Variants in TSHZ2 observed in about 807,000 individuals in gnomAD.
TSHZ2 encodes teashirt homolog 2.
A neutral mutation model predicts 74.4 loss-of-function variants in TSHZ2; 21 were observed. The observed-to-expected ratio is 0.28, with a 90% confidence interval of 0.20 to 0.41. TSHZ2 has a LOEUF of 0.41. Ranked by LOEUF, TSHZ2 falls within the 10% of genes least tolerant of loss-of-function variation. The pLI, the probability that TSHZ2 is intolerant of heterozygous loss-of-function variation, is 1.00. For missense variants in TSHZ2, 1,244 were observed against 1,293.5 expected, an observed-to-expected ratio of 0.96 and a Z score of 0.59; for synonymous variants, 540 against 515.3, an observed-to-expected ratio of 1.05 and a Z score of -0.65.
intron 1 of TSHZ2, among the ~76,000 whole-genome samples, chr20:53,153,932 G>A (rs551984458): frequency 6.6e-6 from 1 of 152,292 alleles, no homozygotes; most frequent in South Asian, 2.1e-4. Flanking sequence ...ACCTAGGCTT[G>A]TTCCCATGGT....
intron 1 of TSHZ2, among the ~76,000 whole-genome samples, chr20:53,167,117 G>A (rs919468551): frequency 1.3e-5 from 2 of 152,144 alleles, no homozygotes; most frequent in African/African-American, 4.8e-5. Context: ...AGAATGAGTT[G>A]GGTTTGTTCT....
chr20:53,272,982 T>C lies in TSHZ2; in HGVS notation c.*8+16411T>C, dbSNP rs561543356. 2.6e-5 allele frequency among the ~76,000 whole-genome samples: 4 copies of C among 152,230 alleles called. No homozygotes were observed. The East Asian group carries it at 5.8e-4, about 22-fold the overall frequency. ...CTGTGACAGGGCCACCTACTTTAAA[T>C]AGAGGAGATTGAAAAGACAGGAGTC... On this transcript the variant is annotated intron_variant, in intron 2 of 2. Coordinates refer to ENST00000371497, the MANE Select transcript of TSHZ2 (RefSeq NM_173485.6).
intron 1 of TSHZ2, among the ~76,000 whole-genome samples, chr20:53,061,531 T>G (rs1984823408): frequency 6.6e-6 from 1 of 152,350 alleles, no homozygotes; most frequent in Middle Eastern, 3.4e-3. Context: ...GGCAGCAGGT[T>G]ATGAAGATGC....
At chr20:53,345,515 A>G (rs1161737738) in intron 2 of TSHZ2, among the ~76,000 whole-genome samples, 1 of 152,140 alleles carries the variant, frequency 6.6e-6, no homozygotes, top group South Asian at 2.1e-4. Context: ...TCCTACTATC[A>G]TAAGCATCTA....
chr20:53,083,772 C>T (rs1361433174), intron 1 of TSHZ2, among the ~76,000 whole-genome samples: 1 of 152,148 alleles, frequency 6.6e-6, no homozygotes, highest in African/African-American at 2.4e-5. Flanking sequence ...AATTCTGTTT[C>T]TGTTTTTACT....
intron 1 of TSHZ2, among the ~76,000 whole-genome samples, chr20:53,152,020 A>C (rs915566412): frequency 6.6e-6 from 1 of 151,782 alleles, no homozygotes; most frequent in Non-Finnish European, 1.5e-5. Flanking sequence ...AGGTTGCTGT[A>C]AAATGGGAAG....
chr20:53,314,152 G>A (rs1013871503), intron 2 of TSHZ2, among the ~76,000 whole-genome samples: 1 of 152,000 alleles, frequency 6.6e-6, no homozygotes, highest in African/African-American at 2.4e-5. Context: ...GTCAGATGTG[G>A]TGATGGGTGC....
intron 1 of TSHZ2, among the ~76,000 whole-genome samples, chr20:53,229,589 G>T (rs1487419925): frequency 6.6e-6 from 1 of 152,174 alleles, no homozygotes; most frequent in African/African-American, 2.4e-5. Flanking sequence ...ACACACGGTA[G>T]GGGCTCAGCT....
chr20:53,366,768 C>G (rs1981277316), intron 2 of TSHZ2, among the ~76,000 whole-genome samples: 1 of 152,222 alleles, frequency 6.6e-6, no homozygotes, highest in African/African-American at 2.4e-5. Context: ...CTAATGTTTG[C>G]TCCTGCACAT....
At chr20:53,185,676 G>T in intron 1 of TSHZ2, 1 of 1,535,854 alleles carries the variant, frequency 6.5e-7, no homozygotes, top group South Asian at 1.2e-5. Flanking sequence ...CCATTATACA[G>T]GTACAACAGT....
chr20:53,301,689 C>T (rs1030174437), intron 2 of TSHZ2, among the ~76,000 whole-genome samples: 2 of 152,220 alleles, frequency 1.3e-5, no homozygotes, highest in Non-Finnish European at 2.9e-5. Context: ...TAGATACCCT[C>T]TTCTCCTTTT....
At chr20:53,401,125 A>T (rs1047508384) in intron 2 of TSHZ2, 1 of 152,182 alleles carries the variant, frequency 6.6e-6, no homozygotes, top group Admixed American at 6.6e-5. Context: ...TGATCGATGC[A>T]TGCTTACCTC....
chr20:53,294,083 G>A (rs2145465199), intron 2 of TSHZ2, among the ~76,000 whole-genome samples: 1 of 152,278 alleles, frequency 6.6e-6, no homozygotes, highest in Non-Finnish European at 1.5e-5. Context: ...TTTCTGTGGT[G>A]TAAATACTTC....
At chr20:53,161,303 G>A (rs1246986133) in intron 1 of TSHZ2, among the ~76,000 whole-genome samples, 1 of 152,090 alleles carries the variant, frequency 6.6e-6, no homozygotes, top group Non-Finnish European at 1.5e-5. Flanking sequence ...GTGCCACAGG[G>A]TTGGAGGAAA....
intron 1 of TSHZ2, among the ~76,000 whole-genome samples, chr20:53,100,038 G>A (rs1234215144): frequency 6.6e-6 from 1 of 152,202 alleles, no homozygotes; most frequent in Non-Finnish European, 1.5e-5. Context: ...GGGCTGGGCT[G>A]AGGCCACTGC....
chr20:53,304,701 G>A (rs557315340), intron 2 of TSHZ2, among the ~76,000 whole-genome samples: 1 of 152,228 alleles, frequency 6.6e-6, no homozygotes, highest in Admixed American at 6.5e-5. Flanking sequence ...GCGCAATCTT[G>A]GCTCACTGCA....
chr20:53,098,965 A>G (rs1337970117), intron 1 of TSHZ2, among the ~76,000 whole-genome samples: 2 of 152,162 alleles, frequency 1.3e-5, no homozygotes, highest in Non-Finnish European at 2.9e-5. Flanking sequence ...GCATATTTTC[A>G]TATGGTTAAG....
At chr20:53,280,699 T>G (rs946033638) in intron 2 of TSHZ2, among the ~76,000 whole-genome samples, 1 of 147,322 alleles carries the variant, frequency 6.8e-6, no homozygotes, top group African/African-American at 2.6e-5. Context: ...GGGGGTTTTT[T>G]TGTGTGTTTT....
chr20:53,346,491 G>A (rs923791935), intron 2 of TSHZ2, among the ~76,000 whole-genome samples: 1 of 152,140 alleles, frequency 6.6e-6, no homozygotes, highest in Non-Finnish European at 1.5e-5. Context: ...TCTGTGCGTG[G>A]GTTTGATCTC....
Sources: allele counts gnomAD v4.1 joint callset (sites outside exome capture counted in the v4.1 genomes callset), GRCh38; gene constraint gnomAD v4.1.1; transcripts MANE v1.5; gene names NCBI Gene and HGNC (gene_info 2026-07-23, HGNC 2026-07-21).